The following MYO7B variants were observed in gnomAD, a reference collection of about 807,000 sequenced individuals.
The protein encoded by MYO7B is myosin VIIB.
Under a neutral mutation model 259.7 loss-of-function variants are expected in MYO7B, and 212 were observed. That is an observed-to-expected ratio of 0.82 (90% confidence interval 0.73 to 0.91). The LOEUF is 0.91. Ranked by LOEUF, MYO7B falls within the 40% of genes least tolerant of loss-of-function variation. The pLI, the probability that MYO7B is intolerant of heterozygous loss-of-function variation, is 0.00. For synonymous variants in MYO7B, 1,197 were observed against 1,166.4 expected, an observed-to-expected ratio of 1.03 and a Z score of -0.54; for missense variants, 2,732 against 2,813.5, an observed-to-expected ratio of 0.97 and a Z score of 0.66.
intron 14 of MYO7B, 119 bp from the exon 15 acceptor site, chr2:127,588,273 G>C: frequency 4.5e-5 from 52 of 1,164,310 alleles, no homozygotes; most frequent in Non-Finnish European, 6.3e-5. Context: ...CCGTAGTGGG[G>C]CCATTGTAGG....
intron 18 of MYO7B, 129 bp from the exon 19 acceptor site, chr2:127,596,333 C>T (rs1309611237): frequency 2.8e-6 from 2 of 711,926 alleles, no homozygotes; most frequent in African/African-American, 1.8e-5. Context: ...CTTTGAGGGC[C>T]CCCTTCTCTG....
At position 127,588,536 on chromosome 2, in the gene MYO7B, C is replaced by T. The variant is rs1220786248; in HGVS notation, c.1835C>T (p.Ala612Val). The change falls in exon 15 of 48, where the codon GCA becomes GTA. Residue 612 changes from alanine to valine, a missense_variant. This residue lies in a region of MYO7B where 1,906 missense variants were observed against 2,026.4 expected (regional missense o/e 0.94). Transcript: ENST00000409816. ...LGHGTIRQAK[A>V]GNHLFKSADS... Reference sequence around the variant, plus strand: ...CATGGGACCATCCGCCAGGCAAAGGCAGGAAACCATCTCTTCAAGGTGGGC... The same window carrying T: ...CATGGGACCATCCGCCAGGCAAAGGTAGGAAACCATCTCTTCAAGGTGGGC... 6.2e-7 allele frequency: 1 copy of T among 1,613,248 alleles called. No homozygotes were observed. Among genetic ancestry groups the T allele is most frequent in the Admixed American group, 1.7e-5 (1 of 60,036 alleles).
chr2:127,606,193 C>T (rs1410053766), intron 20 of MYO7B, among the ~76,000 whole-genome samples: 1 of 152,206 alleles, frequency 6.6e-6, no homozygotes, highest in African/African-American at 2.4e-5. Context: ...ACTAGGTGTC[C>T]TGCTCTGGAA....
At chr2:127,587,553 C>T (rs1005898652) in intron 14 of MYO7B, among the ~76,000 whole-genome samples, 2 of 149,294 alleles carry the variant, frequency 1.3e-5, no homozygotes, top group Non-Finnish European at 3.0e-5. Context: ...CTCATCTCCC[C>T]TTCTTTCTTT....
At position 127,577,046 on chromosome 2, in the gene MYO7B, C is replaced by T. The variant is rs1431384843; in HGVS notation, c.849+338C>T. Among the ~76,000 whole-genome samples the T allele has an allele frequency of 2.0e-5, 3 of 152,038 alleles. No homozygotes were observed. Among genetic ancestry groups the T allele is most frequent in the African/African-American group, 7.2e-5 (3 of 41,400 alleles). ...CATGCCTCCTGCTCCTGATTTCACT[C>T]CAATTGTCTGTCCTTGCAGGCCCCC... On this transcript the variant is annotated intron_variant, in intron 8 of 47. Transcript: ENST00000409816. This position sits in a 1 kb window ranked among gnomAD's most constrained non-coding sequence, Gnocchi z 5.2.
At chr2:127,580,401 G>T (rs1342835070) in intron 9 of MYO7B, among the ~76,000 whole-genome samples, 4 of 152,252 alleles carry the variant, frequency 2.6e-5, no homozygotes, top group Non-Finnish European at 5.9e-5. Context: ...GGACTGAGGG[G>T]CCTGATGGCT....
chr2:127,619,054 ATTGTGGGGGCTGGTTGGG>A (rs1263166839), intron 26 of MYO7B, among the ~76,000 whole-genome samples: 76 of 21,624 alleles, frequency 3.5e-3, no homozygotes, highest in African/African-American at 4.5e-3. Flanking sequence ...CGCTGGTTGG[ATTGTGGGGGCTGGTTGGG>A]TTGTGGGGGC....
rs1427053113 is a variant in MYO7B at position 127,577,942 on chromosome 2, G to C, written c.850-191G>C. Among the ~76,000 whole-genome samples the C allele has an allele frequency of 1.3e-5, 2 of 152,252 alleles. No homozygotes were observed. The highest frequency in any genetic ancestry group is 3.8e-4 in the East Asian group (2 of 5,202). On this transcript the variant is annotated intron_variant, in intron 8 of 47. Coordinates refer to ENST00000409816, the MANE Select transcript of MYO7B (RefSeq NM_001393586.1). The surrounding 1 kb of genome is among the most constrained non-coding windows in gnomAD (Gnocchi z 5.2). Reference sequence around the variant, plus strand: ...AAGGTCACACAGTGGCCAAATGCTGGTGCTGGTGGCAAGGCCTGATCATGC... The same window carrying C: ...AAGGTCACACAGTGGCCAAATGCTGCTGCTGGTGGCAAGGCCTGATCATGC...
intron 18 of MYO7B, 91 bp from the exon 19 acceptor site, chr2:127,596,371 G>C (rs1319026213): frequency 3.9e-5 from 41 of 1,056,186 alleles, no homozygotes; most frequent in Non-Finnish European, 5.7e-5. Flanking sequence ...AAGCCTGAGA[G>C]ATGCTACCTT....
chr2:127,616,014 T>C (rs529415198), intron 26 of MYO7B, among the ~76,000 whole-genome samples: 4 of 152,148 alleles, frequency 2.6e-5, no homozygotes, highest in Admixed American at 2.6e-4. Context: ...CAATAGTAAA[T>C]CTCCTGAAAC....
chr2:127,588,658 A>T, intron 15 of MYO7B, 103 bp downstream of exon 15: 1 of 1,388,106 alleles, frequency 7.2e-7, no homozygotes. Flanking sequence ...GGTCCACAGC[A>T]TGCAGTTGGC....
chr2:127,548,848 G>T (rs748548722), intron 1 of MYO7B, among the ~76,000 whole-genome samples: 1 of 152,142 alleles, frequency 6.6e-6, no homozygotes, highest in Non-Finnish European at 1.5e-5. Context: ...CCTGACCCAT[G>T]TGTTATTTAG....
chr2:127,548,977 T>C (rs1050984491), intron 1 of MYO7B, among the ~76,000 whole-genome samples: 6 of 152,216 alleles, frequency 3.9e-5, no homozygotes, highest in African/African-American at 1.4e-4. Flanking sequence ...TGACACTTTC[T>C]TGGCAGGTGC....
intron 19 of MYO7B, among the ~76,000 whole-genome samples, chr2:127,604,275 T>C (rs753493671): frequency 6.6e-6 from 1 of 152,358 alleles, no homozygotes; most frequent in African/African-American, 2.4e-5. Context: ...GTGGCTTCTT[T>C]CCTTAAACCT....
intron 29 of MYO7B, among the ~76,000 whole-genome samples, 163 bp downstream of exon 29, chr2:127,623,538 C>T (rs1248654892): frequency 6.6e-6 from 1 of 152,166 alleles, no homozygotes; most frequent in East Asian, 1.9e-4. Context: ...CAGGCAGGTG[C>T]ACACACACAG....
chr2:127,596,344 G>A, intron 18 of MYO7B, 118 bp from the exon 19 acceptor site: 2 of 809,200 alleles, frequency 2.5e-6, no homozygotes, highest in South Asian at 3.1e-5. Context: ...CCCTTCTCTG[G>A]CCTGCCCTCC....
intron 19 of MYO7B, among the ~76,000 whole-genome samples, 187 bp from the exon 20 acceptor site, chr2:127,605,654 ATAG>A (rs779217544): frequency 5.3e-5 from 8 of 152,210 alleles, no homozygotes; most frequent in Non-Finnish European, 1.0e-4. Context: ...TGGGTTGCTG[ATAG>A]TAGATTTTTT....
Position 127,636,874 on chromosome 2 carries a change from C to G in MYO7B, c.6288C>G (p.Ser2096Arg). Reference sequence around the variant, plus strand: ...CCTACTTCCACATGGCGCTGGGGAGCCTGGGCCGTGGCAGCCGCCTGCTGT... The same window carrying G: ...CCTACTTCCACATGGCGCTGGGGAGGCTGGGCCGTGGCAGCCGCCTGCTGT... ...GSTYFHMALG[S>R]LGRGSRLLCE... The change falls in exon 47 of 48, where the codon AGC becomes AGG. Residue 2096 changes from serine (S) to arginine (R), a missense_variant. Physicochemically the swap from Ser to Arg is moderately radical, Grantham distance 110. Transcript: ENST00000409816. The surrounding 1 kb of genome is among the most constrained non-coding windows in gnomAD (Gnocchi z 4.5). 2 of 1,613,560 alleles carry G rather than the reference C, an allele frequency of 1.2e-6. No homozygotes were observed. The highest frequency in any genetic ancestry group is 1.7e-6 in the Non-Finnish European group (2 of 1,179,864).
intron 1 of MYO7B, among the ~76,000 whole-genome samples, chr2:127,544,369 T>C (rs563072076): frequency 3.9e-5 from 6 of 152,258 alleles, no homozygotes; most frequent in East Asian, 1.9e-4. Context: ...GTGACCTTCT[T>C]CACTTAGAAA....
Sources: allele counts gnomAD v4.1 joint callset (sites outside exome capture counted in the v4.1 genomes callset), GRCh38; gene constraint gnomAD v4.1.1; regional missense constraint gnomAD v4.1.1; non-coding constraint Gnocchi (gnomAD v3.1); transcripts MANE v1.5; gene names NCBI Gene and HGNC (gene_info 2026-07-23, HGNC 2026-07-21).